The following FRY variants were observed in gnomAD, a reference collection of about 807,000 sequenced individuals.
FRY encodes protein furry homolog.
In FRY, 128 loss-of-function variants were observed where a neutral mutation model predicts 348.4. The observed-to-expected ratio is 0.37, with a 90% confidence interval of 0.32 to 0.43. The LOEUF (loss-of-function observed/expected upper bound fraction) is 0.43, where lower values mean the gene tolerates loss of function less well. FRY is among the 20% of genes least tolerant of loss of function. The probability of loss-of-function intolerance (pLI) is 1.00; values close to 1 mark genes in which losing one functional copy is unlikely to be tolerated. For missense variants in FRY, 2,736 were observed against 3,695.2 expected, an observed-to-expected ratio of 0.74 and a Z score of 6.73; for synonymous variants, 1,370 against 1,374.7, an observed-to-expected ratio of 1.00 and a Z score of 0.08.
At chr13:32,203,225 A>G (rs996541002) in intron 31 of FRY, among the ~76,000 whole-genome samples, 1 of 152,224 alleles carries the variant, frequency 6.6e-6, no homozygotes, top group African/African-American at 2.4e-5. Flanking sequence ...TATAACACAT[A>G]TAATTGCTGC....
chr13:32,125,735 C>T (rs868814034), intron 7 of FRY, among the ~76,000 whole-genome samples: 9 of 152,098 alleles, frequency 5.9e-5, no homozygotes, highest in Admixed American at 3.3e-4. Context: ...AAAACATAGA[C>T]CAGAATGCAG....
intron 4 of FRY, among the ~76,000 whole-genome samples, chr13:32,120,109 C>T (rs939585564): frequency 9.2e-5 from 14 of 152,142 alleles, no homozygotes; most frequent in Non-Finnish European, 1.8e-4. Flanking sequence ...ATCCTGTCAT[C>T]CCTCCTCATT....
chr13:32,180,383 C>T (rs1158790791), intron 23 of FRY, among the ~76,000 whole-genome samples: 4 of 152,120 alleles, frequency 2.6e-5, no homozygotes, highest in African/African-American at 9.7e-5. Flanking sequence ...TACAGACCCG[C>T]GCCACCACAT....
chr13:32,061,353 T>C (rs1370538973), intron 1 of FRY, among the ~76,000 whole-genome samples: 1 of 152,164 alleles, frequency 6.6e-6, no homozygotes, highest in African/African-American at 2.4e-5. Flanking sequence ...TTTGAGATTG[T>C]TATATTTTGG....
At chr13:32,035,380 C>T (rs74044315) in intron 1 of FRY, among the ~76,000 whole-genome samples, 1,752 of 152,274 alleles carry the variant, frequency 0.012, 43 homozygotes, top group African/African-American at 0.041. Flanking sequence ...AAATATCCCA[C>T]TTACCCTAAG....
intron 58 of FRY, 71 bp from the exon 59 acceptor site, chr13:32,289,562 G>T: frequency 1.1e-6 from 1 of 938,180 alleles, no homozygotes. Flanking sequence ...TGTCTCCATT[G>T]AGATTTCACT....
At chr13:32,272,759 G>A (rs900312769) in intron 55 of FRY, among the ~76,000 whole-genome samples, 8 of 152,096 alleles carry the variant, frequency 5.3e-5, no homozygotes, top group East Asian at 1.9e-4. Context: ...TTTTTGAGAC[G>A]GAGTCTTTCT....
At chr13:32,218,923 A>G in intron 36 of FRY, 92 bp downstream of exon 36, 2 of 753,650 alleles carry the variant, frequency 2.7e-6, no homozygotes, top group East Asian at 2.6e-5. Context: ...TCTGATTACT[A>G]AAAGGGCCTA....
At chr13:32,287,771 G>C (rs1593854823) in intron 58 of FRY, 5 of 462,908 alleles carry the variant, frequency 1.1e-5, no homozygotes, top group Admixed American at 6.6e-5. Context: ...TGGTGGTTCT[G>C]CTCTTGGAAA....
intron 1 of FRY, among the ~76,000 whole-genome samples, chr13:32,051,523 ACT>A (rs1383953792): frequency 6.6e-6 from 1 of 152,146 alleles, no homozygotes; most frequent in Non-Finnish European, 1.5e-5. Flanking sequence ...ATGGATGCTA[ACT>A]CTGTGAGACG....
chr13:32,180,549 A>G (rs891802180), intron 23 of FRY, among the ~76,000 whole-genome samples: 6 of 152,040 alleles, frequency 3.9e-5, no homozygotes, highest in African/African-American at 1.4e-4. Flanking sequence ...TGATCTTTCT[A>G]TAGGGCACTT....
rs1160022088 is a variant in FRY at position 32,206,911 on chromosome 13, G to A, written c.4019-1942G>A. The stretch of plus-strand genomic sequence containing the variant: ...AATTGTTCAGGTCCACTGAACAAGA[G>A]CATCCCACTGATGTGGTCTCACATT... On this transcript the variant is annotated intron_variant, in intron 31 of 60. Transcript: ENST00000542859. Among the ~76,000 whole-genome samples the A allele has an allele frequency of 4.6e-5, 7 of 152,140 alleles. No homozygotes were observed. In the East Asian group the frequency reaches 1.2e-3, roughly 25 times the overall value.
intron 29 of FRY, among the ~76,000 whole-genome samples, chr13:32,200,384 G>A (rs901492766): frequency 6.6e-6 from 1 of 152,172 alleles, no homozygotes. Context: ...AAGTTTGTTT[G>A]AAAATAAATA....
chr13:32,152,841 A>G (rs1880881847), intron 14 of FRY, among the ~76,000 whole-genome samples: 1 of 152,164 alleles, frequency 6.6e-6, no homozygotes, highest in African/African-American at 2.4e-5. Context: ...ACTGGGAGAA[A>G]ATATTTACAA....
At chr13:32,286,195 C>T (rs1223136867) in intron 58 of FRY, among the ~76,000 whole-genome samples, 2 of 152,004 alleles carry the variant, frequency 1.3e-5, no homozygotes, top group Admixed American at 1.3e-4. Context: ...ATTTACTGTA[C>T]CTTATTTTCA....
intron 11 of FRY, 53 bp from the exon 12 acceptor site, chr13:32,147,229 C>A: frequency 2.7e-6 from 3 of 1,091,788 alleles, no homozygotes; most frequent in Non-Finnish European, 1.4e-6. Flanking sequence ...ATCTCTAGAA[C>A]CTCAGACCTC....
chr13:32,215,688 G>A (rs1344982162), intron 35 of FRY, among the ~76,000 whole-genome samples: 3 of 152,104 alleles, frequency 2.0e-5, no homozygotes, highest in Non-Finnish European at 4.4e-5. Context: ...TCCTGCCTCA[G>A]CCTCCCAGGT....
intron 1 of FRY, among the ~76,000 whole-genome samples, chr13:32,054,533 C>G (rs962434979): frequency 6.6e-6 from 1 of 152,066 alleles, no homozygotes; most frequent in Non-Finnish European, 1.5e-5. Flanking sequence ...CTATTTGGGG[C>G]AGAGAAATGT....
Position 32,035,369 on chromosome 13 carries a change from A to T in FRY, c.70+3504A>T, listed in dbSNP as rs186892439. On this transcript the variant is annotated intron_variant, in intron 1 of 60. Transcript: ENST00000542859. Reference sequence around the variant, plus strand: ...TTAACTTTCTACCTCACTTACTATTAAAATATCCCACTTACCCTAAGTGCA... The same window carrying T: ...TTAACTTTCTACCTCACTTACTATTTAAATATCCCACTTACCCTAAGTGCA... Among the ~76,000 whole-genome samples, 3 of 152,304 alleles carry T rather than the reference A, an allele frequency of 2.0e-5. No individual in the cohort carries two copies. The East Asian group carries it at 5.8e-4, about 29-fold the overall frequency.
Sources: allele counts gnomAD v4.1 joint callset (sites outside exome capture counted in the v4.1 genomes callset), GRCh38; gene constraint gnomAD v4.1.1; transcripts MANE v1.5; gene names NCBI Gene and HGNC (gene_info 2026-07-23, HGNC 2026-07-21).